The following SACS variants were observed in gnomAD, a reference collection of about 807,000 sequenced individuals.
SACS encodes the protein sacsin.
Under a neutral mutation model 348.0 loss-of-function variants are expected in SACS, and 197 were observed. The ratio of observed to expected loss-of-function variants is 0.57; its 90% confidence interval spans 0.50 to 0.64. SACS has a LOEUF of 0.64. Among genes scored for constraint, SACS ranks in the 30% least tolerant of loss-of-function variants. The probability of loss-of-function intolerance (pLI) is 0.00; values close to 1 mark genes in which losing one functional copy is unlikely to be tolerated. For missense variants in SACS, 4,999 were observed against 5,360.8 expected, an observed-to-expected ratio of 0.93 and a Z score of 2.11; for synonymous variants, 1,985 against 1,910.6, an observed-to-expected ratio of 1.04 and a Z score of -1.02.
chr13:23,420,172 T>C (rs1350502212), intron 1 of SACS, among the ~76,000 whole-genome samples: 1 of 152,082 alleles, frequency 6.6e-6, no homozygotes, highest in East Asian at 1.9e-4. Context: ...CATGTCCACC[T>C]ATGGATTAGA....
chr13:23,360,216 A>G (rs1870644594), intron 6 of SACS, among the ~76,000 whole-genome samples: 1 of 152,220 alleles, frequency 6.6e-6, no homozygotes, highest in South Asian at 2.1e-4. Context: ...TACTGTTATT[A>G]TAAGCAGTAT....
In SACS at chr13:23,375,134, C is replaced by T; in HGVS notation, c.156G>A (p.Trp52Ter). The change falls in exon 3 of 10, where the codon TGG (tryptophan) becomes TGA (stop). Residue 52 changes from tryptophan (W) to a stop codon, truncating the protein, a stop_gained. Transcript: ENST00000382292. LOFTEE classifies it high-confidence loss of function. ...CACCGCCTACCTCGCGGCCGCCGCG[C>T]CACAGCCGCTGCTCCGACACCGGGA... is the stretch of plus-strand genomic sequence containing the variant. ...TGFPVSEQRL[W>*]RGGRELSDWI... The T allele has an allele frequency of 6.7e-7, 1 of 1,499,566 alleles. No individual in the cohort carries two copies. The highest frequency in any genetic ancestry group is 8.9e-7 in the Non-Finnish European group (1 of 1,124,856). The allele number at this position is 1,499,566 out of a possible 1,614,324, so 92.9% of individuals were successfully genotyped here.
At chr13:23,396,135 C>A (rs1270745070) in intron 2 of SACS, among the ~76,000 whole-genome samples, 2 of 151,968 alleles carry the variant, frequency 1.3e-5, no homozygotes, top group Non-Finnish European at 2.9e-5. Flanking sequence ...ACCAGCCTGG[C>A]CAACATGGTG....
chr13:23,418,454 G>A (rs549681783), intron 1 of SACS, among the ~76,000 whole-genome samples: 1 of 152,192 alleles, frequency 6.6e-6, no homozygotes, highest in East Asian at 1.9e-4. Flanking sequence ...TGTTTCCCTT[G>A]TATATAAATT....
At position 23,338,717 on chromosome 13, in the gene SACS, G is replaced by A. The variant is rs1868902236; in HGVS notation, c.5159C>T (p.Ser1720Phe). The change falls in exon 10 of 10, where the codon TCT becomes TTT. Residue 1720 changes from serine (S) to phenylalanine (F), a missense_variant. By Grantham distance (155) the Ser-to-Phe change is radical. This residue lies in a region of SACS where 3,156 missense variants were observed against 3,380.1 expected (regional missense o/e 0.93). Transcript: ENST00000382292. ...GACAGGTGTGTTCAATGCTTTGGAAGAGCAGGATTTTTTTTTAATTATTAC... is the reference window on the plus strand; with the variant it reads ...GACAGGTGTGTTCAATGCTTTGGAAAAGCAGGATTTTTTTTTAATTATTAC... The part of the protein sequence containing the change: ...DTVIIKKKSC[S>F]SKALNTPVLS... The A allele has an allele frequency of 1.2e-6, 2 of 1,608,910 alleles. No individual in the cohort carries two copies. Among genetic ancestry groups the A allele is most frequent in the Non-Finnish European group, 1.7e-6 (2 of 1,178,274 alleles).
intron 3 of SACS, among the ~76,000 whole-genome samples, chr13:23,374,287 C>T (rs1217142720): frequency 2.0e-5 from 3 of 152,132 alleles, no homozygotes; most frequent in African/African-American, 7.2e-5. Context: ...GTCAGGATTA[C>T]ACTGAAGCAG....
rs1041617848 is a variant in SACS at position 23,408,081 on chromosome 13, T to C, written c.20+3139A>G. ...TGATGCCTATCAAAGTAGTCCTGAG[T>C]AAAGTCTTCTTTACTATTTTAATAG... is the stretch of plus-strand genomic sequence containing the variant. On this transcript the variant is annotated intron_variant, in intron 2 of 9. Transcript: ENST00000382292. 2.6e-5 allele frequency among the ~76,000 whole-genome samples: 4 copies of C among 152,162 alleles called. No homozygotes were observed. In the East Asian group the frequency reaches 7.7e-4, roughly 29 times the overall value.
intron 6 of SACS, among the ~76,000 whole-genome samples, chr13:23,359,880 A>G (rs1337764604): frequency 6.6e-6 from 1 of 152,184 alleles, no homozygotes; most frequent in Non-Finnish European, 1.5e-5. Context: ...ATTCAGGGAC[A>G]GACATGGGGA....
chr13:23,335,241 G>A lies in SACS; in HGVS notation c.8635C>T (p.Leu2879=). 6.2e-7 allele frequency: 1 copy of A among 1,613,916 alleles called. No homozygotes were observed. Among genetic ancestry groups the A allele is most frequent in the South Asian group, 1.1e-5 (1 of 91,076 alleles). ...CFLPLSLETG[L]PFHVNGHFAL... ...AAGTGGCCATTCACATGAAATGGCA[G>A]CCCAGTCTCCAAAGAAAGAGGCAAA... Residue 2879 remains leucine, a synonymous_variant, in exon 10 of 10, where the codon CTG becomes TTG. Transcript: ENST00000382292. The surrounding 1 kb of genome is among the most constrained non-coding windows in gnomAD (Gnocchi z 4.7).
intron 2 of SACS, among the ~76,000 whole-genome samples, chr13:23,380,122 C>T (rs904710791): frequency 8.6e-6 from 1 of 116,420 alleles, no homozygotes; most frequent in East Asian, 2.8e-4. Context: ...GGGATTCCCT[C>T]GTGTGTGTGT....
At chr13:23,378,682 T>C (rs561770207) in intron 2 of SACS, among the ~76,000 whole-genome samples, 1 of 152,220 alleles carries the variant, frequency 6.6e-6, no homozygotes, top group African/African-American at 2.4e-5. Context: ...CACAGGTGTT[T>C]CCGCCCACCT....
chr13:23,366,893 G>C (rs539442009), intron 5 of SACS, among the ~76,000 whole-genome samples: 17 of 152,194 alleles, frequency 1.1e-4, no homozygotes, highest in African/African-American at 4.1e-4. Context: ...TGGTGGTGTA[G>C]GTCTTGGTGA....
rs773995965 is a variant in SACS at position 23,335,136 on chromosome 13, T to C, written c.8740A>G (p.Met2914Val). ...GVRSDWNNSL[M>V]TALIAPAYVE... The stretch of plus-strand genomic sequence containing the variant: ...TATGCAGGAGCTATTAATGCTGTCA[T>C]TAAACTGTTATTCCAGTCACTTCGA... Residue 2914 changes from methionine to valine, a missense_variant, in exon 10 of 10, where the codon ATG becomes GTG. Transcript: ENST00000382292. This position sits in a 1 kb window ranked among gnomAD's most constrained non-coding sequence, Gnocchi z 4.7. The C allele has an allele frequency of 1.9e-6, 3 of 1,613,980 alleles. No homozygotes were observed. In the South Asian group the frequency reaches 3.3e-5, roughly 18 times the overall value.
At chr13:23,359,998 G>A (rs1009370563) in intron 6 of SACS, among the ~76,000 whole-genome samples, 1 of 152,144 alleles carries the variant, frequency 6.6e-6, no homozygotes, top group Non-Finnish European at 1.5e-5. Context: ...GGAGTGGAGT[G>A]GGGACTCTGC....
chr13:23,335,842 G>A lies in SACS; in HGVS notation c.8034C>T (p.Phe2678=). The A allele has an allele frequency of 6.2e-7, 1 of 1,613,984 alleles. No individual in the cohort carries two copies. The highest frequency in any genetic ancestry group is 8.5e-7 in the Non-Finnish European group (1 of 1,179,920). The part of the protein sequence containing the change: ...RDLDADFRTQ[F]SDVLDLYLGT... Reference sequence around the variant, plus strand: ...CCAGATAAAGATCCAGAACATCTGAGAACTGTGTCCTAAAATCTGCATCCA... The same window carrying A: ...CCAGATAAAGATCCAGAACATCTGAAAACTGTGTCCTAAAATCTGCATCCA... The change falls in exon 10 of 10, where the codon TTC becomes TTT. Residue 2678 remains phenylalanine (F), a synonymous_variant. Transcript: ENST00000382292. The surrounding 1 kb of genome is among the most constrained non-coding windows in gnomAD (Gnocchi z 4.7).
In SACS at chr13:23,335,004, T is replaced by A. The variant is rs774836609; in HGVS notation, c.8872A>T (p.Lys2958Ter). The A allele has an allele frequency of 1.2e-6, 2 of 1,613,822 alleles. No homozygotes were observed. The highest frequency in any genetic ancestry group is 1.7e-6 in the Non-Finnish European group (2 of 1,179,796). Residue 2958 changes from lysine to a stop codon, truncating the protein, a stop_gained, in exon 10 of 10, where the codon AAG (lysine) becomes TAG (stop). Transcript: ENST00000382292. LOFTEE classifies it high-confidence loss of function. This position sits in a 1 kb window ranked among gnomAD's most constrained non-coding sequence, Gnocchi z 4.7. ...PIHVVKDTLK[K>*]FLSFFPVNRL... is the part of the protein sequence containing the mutation. ...TTAACTGGGAAAAACGATAAAAACT[T>A]CTTTAAAGTGTCCTTTACAACATGA... is the stretch of plus-strand genomic sequence containing the variant.
intron 2 of SACS, among the ~76,000 whole-genome samples, chr13:23,383,327 G>C (rs1421706290): frequency 6.6e-6 from 1 of 152,040 alleles, no homozygotes; most frequent in Non-Finnish European, 1.5e-5. Context: ...CCACCACTCA[G>C]GGCCCCAGCT....
At position 23,332,095 on chromosome 13, in the gene SACS, C is replaced by T. The variant is rs369998705; in HGVS notation, c.11781G>A (p.Ala3927=). The change falls in exon 10 of 10, where the codon GCG becomes GCA. Residue 3927 remains alanine (A), a synonymous_variant. Transcript: ENST00000382292. ...CCTGGATTCTACTTTTATAATGTGGCGCATCGTCAAACACTAAGATGCTTG... is the reference window on the plus strand; with the variant it reads ...CCTGGATTCTACTTTTATAATGTGGTGCATCGTCAAACACTAAGATGCTTG... ...VKSSILVFDD[A]PHYKSRIQGN... The T allele has an allele frequency of 2.6e-5, 42 of 1,613,872 alleles. No homozygotes were observed. The highest frequency in any genetic ancestry group is 1.6e-4 in the African/African-American group (12 of 74,896).
intron 7 of SACS, among the ~76,000 whole-genome samples, chr13:23,358,127 G>A (rs1870509611): frequency 6.6e-6 from 1 of 152,200 alleles, no homozygotes; most frequent in South Asian, 2.1e-4. Flanking sequence ...GGCATCACAT[G>A]ATGAAGGAAA....
Sources: allele counts gnomAD v4.1 joint callset (sites outside exome capture counted in the v4.1 genomes callset), GRCh38; gene constraint gnomAD v4.1.1; regional missense constraint gnomAD v4.1.1; non-coding constraint Gnocchi (gnomAD v3.1); transcripts MANE v1.5; gene names NCBI Gene and HGNC (gene_info 2026-07-23, HGNC 2026-07-21).